The following DCHS1 variants were observed in gnomAD, a reference collection of about 807,000 sequenced individuals.
DCHS1 encodes protocadherin-16.
Under a neutral mutation model 213.9 loss-of-function variants are expected in DCHS1, and 78 were observed. That is an observed-to-expected ratio of 0.36 (90% CI 0.30 to 0.44). The LOEUF (loss-of-function observed/expected upper bound fraction) is 0.44, where lower values mean the gene tolerates loss of function less well. Ranked by LOEUF, DCHS1 falls within the 20% of genes least tolerant of loss-of-function variation. The pLI, the probability that DCHS1 is intolerant of heterozygous loss-of-function variation, is 1.00. For missense variants in DCHS1, 3,946 were observed against 4,395.9 expected, an observed-to-expected ratio of 0.90 and a Z score of 2.89; for synonymous variants, 1,828 against 1,873.7, an observed-to-expected ratio of 0.98 and a Z score of 0.63.
rs1335444778 is a variant in DCHS1, at chr11:6,632,406, G to C, written c.3106C>G (p.Leu1036Val). The C allele has an allele frequency of 6.2e-7, 1 of 1,613,116 alleles. No homozygotes were observed. Among genetic ancestry groups the C allele is most frequent in the South Asian group, 1.1e-5 (1 of 91,036 alleles). The change falls in exon 6 of 21, where the codon CTT becomes GTT. Residue 1036 changes from leucine (L) to valine (V), a missense_variant. By Grantham distance (32) the Leu-to-Val change is conservative (BLOSUM62 1). Coordinates refer to ENST00000299441, the MANE Select transcript of DCHS1 (RefSeq NM_003737.4). The surrounding 1 kb of genome is among the most constrained non-coding windows in gnomAD (Gnocchi z 5.9). ...APDGGPITYH[L>V]AAEGASSPFG... ...GGGCTACTTGCTCCCTCTGCTGCAA[G>C]GTGATAGGTGATAGGGCCCCCATCT...
chr11:6,651,902 C>T (rs1383729315), intron 1 of DCHS1, among the ~76,000 whole-genome samples: 1 of 152,148 alleles, frequency 6.6e-6, no homozygotes. Flanking sequence ...CAGTAAAGAG[C>T]AGGCATGCAG....
chr11:6,633,519 C>T lies in DCHS1; in HGVS notation c.2348G>A (p.Gly783Glu), dbSNP rs1282088958. The part of the protein sequence containing the change: ...SARVDISIVP[G>E]TPTPPIFEQL... Reference sequence around the variant, plus strand: ...CTCAAATATGGGTGGTGTGGGGGTTCCAGGCACAATGCTGATGTCCACTCG... The same window carrying T: ...CTCAAATATGGGTGGTGTGGGGGTTTCAGGCACAATGCTGATGTCCACTCG... Residue 783 changes from glycine to glutamate, a missense_variant, in exon 5 of 21, where the codon GGA becomes GAA. Around this residue, in one of 3 missense-constraint regions of DCHS1, gnomAD observed 3,384 missense variants for 3,780.1 expected, o/e 0.90. Coordinates refer to ENST00000299441, the MANE Select transcript of DCHS1 (RefSeq NM_003737.4). 1.9e-6 allele frequency: 3 copies of T among 1,585,340 alleles called. No individual in the cohort carries two copies. The highest frequency in any genetic ancestry group is 3.6e-5 in the Admixed American group (2 of 55,624).
chr11:6,647,269 G>A (rs1194131854), intron 1 of DCHS1, among the ~76,000 whole-genome samples: 2 of 152,172 alleles, frequency 1.3e-5, no homozygotes, highest in African/African-American at 4.8e-5. Flanking sequence ...GAAAGAGGGA[G>A]CAGAGCTAAT....
Position 6,622,679 on chromosome 11 carries a change from A to T in DCHS1, c.8997T>A (p.Ser2999=), listed in dbSNP as rs1412847625. 15 of 1,594,432 alleles carry T rather than the reference A, an allele frequency of 9.4e-6. No individual in the cohort carries two copies. Among genetic ancestry groups the T allele is most frequent in the Non-Finnish European group, 1.1e-5 (13 of 1,170,852 alleles). Reference sequence around the variant, plus strand: ...GAAGAGTCTGGTGATAGAGGTGCTCAGAGGGTGGTGGACTAGGTGGCTCCC... The same window carrying T: ...GAAGAGTCTGGTGATAGAGGTGCTCTGAGGGTGGTGGACTAGGTGGCTCCC... ...LGREPPSPPP[S]EHLYHQTLPS... Residue 2999 remains serine, a synonymous_variant, in exon 21 of 21, where the codon TCT becomes TCA. Coordinates refer to ENST00000299441, the MANE Select transcript of DCHS1 (RefSeq NM_003737.4). This position sits in a 1 kb window ranked among gnomAD's most constrained non-coding sequence, Gnocchi z 5.4.
intron 2 of DCHS1, among the ~76,000 whole-genome samples, chr11:6,639,024 T>C (rs1856025455): frequency 1.3e-5 from 2 of 151,338 alleles, no homozygotes; most frequent in Admixed American, 6.6e-5. Flanking sequence ...GGCAGGAGAA[T>C]GGCGTGAACC....
intron 5 of DCHS1, 47 bp downstream of exon 5, chr11:6,633,365 T>C: frequency 6.6e-7 from 1 of 1,514,178 alleles, no homozygotes; most frequent in South Asian, 1.3e-5. Flanking sequence ...AGGGTTATAC[T>C]GGGGTATTTG....
At chr11:6,646,547 C>T (rs1856158529) in intron 1 of DCHS1, among the ~76,000 whole-genome samples, 1 of 152,122 alleles carries the variant, frequency 6.6e-6, no homozygotes, top group Non-Finnish European at 1.5e-5. Context: ...TCTGGCCTGC[C>T]CCTCCATCTT....
intron 2 of DCHS1, among the ~76,000 whole-genome samples, 160 bp downstream of exon 2, chr11:6,639,657 C>T (rs1856035158): frequency 6.6e-6 from 1 of 152,268 alleles, no homozygotes; most frequent in African/African-American, 2.4e-5. Flanking sequence ...CATTAACCCT[C>T]ATCCTCTGCA....
At position 6,640,041 on chromosome 11, in the gene DCHS1, G is replaced by T. The variant is rs1564868596; in HGVS notation, c.1573C>A (p.Pro525Thr). Reference protein sequence around the residue: ...GAHTHWFSIDPTSGIITTAAS... With the variant: ...GAHTHWFSIDTTSGIITTAAS... Reference sequence around the variant, plus strand: ...GCCGTAGTGATAATGCCTGAGGTGGGGTCAATGGAGAACCAGTGGGTGTGG... The same window carrying T: ...GCCGTAGTGATAATGCCTGAGGTGGTGTCAATGGAGAACCAGTGGGTGTGG... Residue 525 changes from proline (P) to threonine (T), a missense_variant, in exon 2 of 21, where the codon CCC (proline) becomes ACC (threonine). Transcript: ENST00000299441. This position sits in a 1 kb window ranked among gnomAD's most constrained non-coding sequence, Gnocchi z 6.5. 6.8e-6 allele frequency: 11 copies of T among 1,613,970 alleles called. No homozygotes were observed. Among genetic ancestry groups the T allele is most frequent in the Non-Finnish European group, 9.3e-6 (11 of 1,179,858 alleles).
chr11:6,632,036 TG>T lies in DCHS1; in HGVS notation c.3475del (p.Gln1159ArgfsTer5). The T allele has an allele frequency of 6.6e-7, 1 of 1,511,932 alleles. No individual in the cohort carries two copies. 93.7% of individuals were successfully genotyped at this position (1,511,932 alleles called of 1,614,324 possible). On this transcript the variant is annotated frameshift_variant, in exon 6 of 21. Coordinates refer to ENST00000299441, the MANE Select transcript of DCHS1 (RefSeq NM_003737.4). LOFTEE classifies it high-confidence loss of function. The surrounding 1 kb of genome is among the most constrained non-coding windows in gnomAD (Gnocchi z 5.9). ...EDSKAFRIHP[Q>X]TGEVTTLQTL... ...ATTTGGGTCTCTGTGCTCACCAGTC[TG>T]GGGGTGGATGCGGAAGGCCTTGCTG...
Position 6,640,676 on chromosome 11 carries a change from A to C in DCHS1, c.938T>G (p.Leu313Arg). 1 of 1,613,376 alleles carries C rather than the reference A, an allele frequency of 6.2e-7. No individual in the cohort carries two copies. Among genetic ancestry groups the C allele is most frequent in the Non-Finnish European group, 8.5e-7 (1 of 1,179,880 alleles). Residue 313 changes from leucine to arginine, a missense_variant, in exon 2 of 21, where the codon CTG becomes CGG. Transcript: ENST00000299441. The surrounding 1 kb of genome is among the most constrained non-coding windows in gnomAD (Gnocchi z 6.5). The part of the protein sequence containing the change: ...GPFSIDAHTG[L>R]LQLERPLDFE... The stretch of plus-strand genomic sequence containing the variant: ...GTCCAGTGGCCGCTCTAACTGCAGC[A>C]GCCCCGTGTGTGCGTCGATGGAGAA...
intron 1 of DCHS1, among the ~76,000 whole-genome samples, chr11:6,653,842 G>A (rs1752912045): frequency 6.6e-6 from 1 of 152,190 alleles, no homozygotes; most frequent in South Asian, 2.1e-4. Context: ...AGAGGTCAAG[G>A]GCAAGAGGTC....
At position 6,623,649 on chromosome 11, in the gene DCHS1, A is replaced by G; in HGVS notation, c.8027T>C (p.Val2676Ala). The G allele has an allele frequency of 6.2e-7, 1 of 1,613,834 alleles. No homozygotes were observed. Among genetic ancestry groups the G allele is most frequent in the Middle Eastern group, 1.7e-4 (1 of 6,060 alleles). The change falls in exon 21 of 21, where the codon GTA (valine) becomes GCA (alanine). Residue 2676 changes from valine (V) to alanine (A), a missense_variant. Transcript: ENST00000299441. ...DCETQARHQLVVQAADPAGAH... is the reference protein window; with the variant it reads ...DCETQARHQLAVQAADPAGAH... ...ACCAGCAGGGTCAGCAGCCTGTACT[A>G]CAAGCTGATGTCGAGCCTGGGTCTC...
In DCHS1 at chr11:6,628,578, G is replaced by C; in HGVS notation, c.5371+43C>G. 1 of 1,608,282 alleles carries C rather than the reference G, an allele frequency of 6.2e-7. No homozygotes were observed. Among genetic ancestry groups the C allele is most frequent in the African/African-American group, 1.3e-5 (1 of 74,946 alleles). Reference sequence around the variant, plus strand: ...AGCAGCCAAGAAGGAGCAAGAACCAGGCAAGTGGGTGCTGAATTAAGTGGG... The same window carrying C: ...AGCAGCCAAGAAGGAGCAAGAACCACGCAAGTGGGTGCTGAATTAAGTGGG... On this transcript the variant is annotated intron_variant, in intron 13 of 20. Transcript: ENST00000299441. This position sits in a 1 kb window ranked among gnomAD's most constrained non-coding sequence, Gnocchi z 4.3.
intron 6 of DCHS1, 94 bp downstream of exon 6, chr11:6,631,937 C>T (rs758415156): frequency 4.4e-5 from 64 of 1,442,708 alleles, no homozygotes; most frequent in Non-Finnish European, 5.5e-5. Flanking sequence ...TTCTCAGGGG[C>T]GAGATGGGAG....
Position 6,632,316 on chromosome 11 carries a change from C to T in DCHS1, c.3196G>A (p.Glu1066Lys), listed in dbSNP as rs1855922981. ...GCCATTACCTTCAGTATGTACAATTCCTGGGCCTCACGGTCTAGTGCTGCC... is the reference window on the plus strand; with the variant it reads ...GCCATTACCTTCAGTATGTACAATTTCTGGGCCTCACGGTCTAGTGCTGCC... ...VRAALDREAQ[E>K]LYILKVMAVS... is the part of the protein sequence containing the mutation. The change falls in exon 6 of 21, where the codon GAA (glutamate) becomes AAA (lysine). Residue 1066 changes from glutamate (E) to lysine (K), a missense_variant. This residue lies in a region of DCHS1 where 3,384 missense variants were observed against 3,780.1 expected (regional missense o/e 0.90). Transcript: ENST00000299441. This position sits in a 1 kb window ranked among gnomAD's most constrained non-coding sequence, Gnocchi z 5.9. 1.9e-6 allele frequency: 3 copies of T among 1,613,826 alleles called. No homozygotes were observed. The highest frequency in any genetic ancestry group is 2.2e-5 in the South Asian group (2 of 91,088).
chr11:6,623,645 T>C lies in DCHS1; in HGVS notation c.8031A>G (p.Val2677=). 6.2e-7 allele frequency: 1 copy of C among 1,613,802 alleles called. No homozygotes were observed. Among genetic ancestry groups the C allele is most frequent in the Middle Eastern group, 1.7e-4 (1 of 6,058 alleles). Residue 2677 remains valine, a synonymous_variant, in exon 21 of 21, where the codon GTA becomes GTG. Transcript: ENST00000299441. ...CETQARHQLV[V]QAADPAGAHF... ...GTGCACCAGCAGGGTCAGCAGCCTG[T>C]ACTACAAGCTGATGTCGAGCCTGGG...
chr11:6,624,726 G>T lies in DCHS1; in HGVS notation c.7285+4C>A. On this transcript the variant is annotated splice_donor_region_variant and intron_variant, in intron 20 of 20. Coordinates refer to ENST00000299441, the MANE Select transcript of DCHS1 (RefSeq NM_003737.4). ...GCAAGGGGCAGATCCTGGGAAAGAC[G>T]CACCATTGTTGGGGTCAACACTGAA... 3.1e-6 allele frequency: 5 copies of T among 1,613,860 alleles called. No homozygotes were observed. Among genetic ancestry groups the T allele is most frequent in the Non-Finnish European group, 3.4e-6 (4 of 1,179,828 alleles).
intron 1 of DCHS1, among the ~76,000 whole-genome samples, chr11:6,650,220 G>A (rs776352279): frequency 1.6e-4 from 24 of 152,090 alleles, no homozygotes; most frequent in Admixed American, 2.0e-4. Context: ...CTTAGAAAGA[G>A]AAAAAAATAA....
Sources: gnomAD v4.1 joint callset for allele counts (sites outside exome capture counted in the v4.1 genomes callset) on GRCh38, gnomAD v4.1.1 for gene constraint, gnomAD v4.1.1 regional missense constraint, Gnocchi (gnomAD v3.1) non-coding constraint, MANE v1.5 for transcripts, NCBI Gene and HGNC (gene_info 2026-07-23, HGNC 2026-07-21) for gene names.